CCDC177: variants seen among roughly 807,000 people sequenced by gnomAD.
The protein encoded by CCDC177 is coiled-coil domain-containing protein 177.
Under a neutral mutation model 7.3 loss-of-function variants are expected in CCDC177, and 2 were observed. The observed-to-expected ratio is 0.28, with a 90% CI of 0.11 to 0.87. The LOEUF (loss-of-function observed/expected upper bound fraction) is 0.87. Among genes scored for constraint, CCDC177 ranks in the 40% least tolerant of loss-of-function variants. The pLI is 0.61. For synonymous variants in CCDC177, 401 were observed against 449.2 expected, an observed-to-expected ratio of 0.89 and a Z score of 1.36; for missense variants, 874 against 970.5, an observed-to-expected ratio of 0.90 and a Z score of 1.32.
rs1884288682 is a variant in CCDC177 at position 69,569,902 on chromosome 14, T to C, written c.*1597A>G. ...CATTTTATTCCTGATCCTGGTTTAATGTAAAAAGTGATGTTTTACTTCCCA... is the reference window on the plus strand; with the variant it reads ...CATTTTATTCCTGATCCTGGTTTAACGTAAAAAGTGATGTTTTACTTCCCA... On this transcript the variant is annotated 3_prime_UTR_variant, in exon 2 of 2. Coordinates refer to ENST00000599174, the MANE Select transcript of CCDC177 (RefSeq NM_001271507.2). The C allele has an allele frequency of 6.6e-6, 1 of 152,154 alleles. No individual in the cohort carries two copies. The highest frequency in any genetic ancestry group is 1.5e-5 in the Non-Finnish European group (1 of 68,028). The allele number at this position is 152,154 out of a possible 1,614,324, so 9.4% of individuals were successfully genotyped here.
At chr14:69,573,930 C>T (rs1174484796) in intron 1 of CCDC177, among the ~76,000 whole-genome samples, 1 of 152,164 alleles carries the variant, frequency 6.6e-6, no homozygotes, top group Non-Finnish European at 1.5e-5. Flanking sequence ...GCCTAGCCCG[C>T]TAGATGCATC....
rs1884376292 is a variant in CCDC177 at position 69,573,421 on chromosome 14, G to C, written c.202C>G (p.Gln68Glu). Residue 68 changes from glutamine (Q) to glutamate (E), a missense_variant, in exon 2 of 2, where the codon CAG becomes GAG. By Grantham distance (29) the Gln-to-Glu change is conservative. Transcript: ENST00000599174. ...AGGTCGAGGTGCAGCAGCGGGGACT[G>C]CTCCCGCCGCCCGCCTTCTGCGGCT... is the stretch of plus-strand genomic sequence containing the variant. ...CAAAEGGRRE[Q>E]SPLLHLDLFN... 1 of 1,231,298 alleles carries C rather than the reference G, an allele frequency of 8.1e-7. No homozygotes were observed. The highest frequency in any genetic ancestry group is 1.0e-6 in the Non-Finnish European group (1 of 987,790). 76.3% of individuals were successfully genotyped at this position (1,231,298 alleles called of 1,614,324 possible). A position where few individuals can be genotyped will look rare whatever the true frequency, so the allele number is the denominator to read the frequency against.
chr14:69,573,966 A>G (rs1418459509), intron 1 of CCDC177, among the ~76,000 whole-genome samples: 1 of 152,188 alleles, frequency 6.6e-6, no homozygotes, highest in East Asian at 1.9e-4. Context: ...GTTAAGATGA[A>G]AAGATCCAGG....
chr14:69,570,545 C>T lies in CCDC177; in HGVS notation c.*954G>A. ...TCCTTCACAGAGGGAATCCTACACT[C>T]CAAACTCTCTGGGGCCCACCCTTGA... On this transcript the variant is annotated 3_prime_UTR_variant, in exon 2 of 2. Coordinates refer to ENST00000599174, the MANE Select transcript of CCDC177 (RefSeq NM_001271507.2). 2.9e-6 allele frequency: 1 copy of T among 345,394 alleles called. No homozygotes were observed. The highest frequency in any genetic ancestry group is 5.7e-6 in the Non-Finnish European group (1 of 175,694). The allele number at this position is 345,394 out of a possible 1,614,324, so 21.4% of individuals were successfully genotyped here.
In CCDC177 at chr14:69,573,227, G is replaced by A; in HGVS notation, c.396C>T (p.Gly132=). 1 of 1,230,832 alleles carries A rather than the reference G, an allele frequency of 8.1e-7. No individual in the cohort carries two copies. The highest frequency in any genetic ancestry group is 1.0e-6 in the Non-Finnish European group (1 of 987,388). 76.2% of individuals were successfully genotyped at this position (1,230,832 alleles called of 1,614,324 possible). Residue 132 remains glycine (G), a synonymous_variant, in exon 2 of 2, where the codon GGC becomes GGT. Coordinates refer to ENST00000599174, the MANE Select transcript of CCDC177 (RefSeq NM_001271507.2). ...GCTCCGCCTCGTAGGCCTCATACAG[G>A]CCGGTGGCCACCCGCATGGAGCGGC... The part of the protein sequence containing the change: ...APGRSMRVAT[G]LYEAYEAERR...
chr14:69,572,873 T>C lies in CCDC177; in HGVS notation c.750A>G (p.Ala250=). 8.1e-7 allele frequency: 1 copy of C among 1,230,870 alleles called. No homozygotes were observed. The allele number at this position is 1,230,870 out of a possible 1,614,324, so 76.2% of individuals were successfully genotyped here. Residue 250 remains alanine, a synonymous_variant, in exon 2 of 2, where the codon GCA becomes GCG. Transcript: ENST00000599174. The part of the protein sequence containing the change: ...REGALSSESG[A]SSSSYSGESL... ...TTTCCCCACTGTAGGATGACGACGA[T>C]GCGCCCGACTCGGAGCTGAGGGCGC...
Position 69,573,555 on chromosome 14 carries a change from G to C in CCDC177, c.68C>G (p.Ala23Gly). Residue 23 changes from alanine to glycine, a missense_variant, in exon 2 of 2, where the codon GCC (alanine) becomes GGC (glycine). Coordinates refer to ENST00000599174, the MANE Select transcript of CCDC177 (RefSeq NM_001271507.2). ...GGAATCAGGGGGCACGGACGCCACG[G>C]CCTCGTCCCCTCCAGAGTCGCCGGG... ...AEPGDSGGDE[A>G]VASVPPDSQG... 1 of 1,231,826 alleles carries C rather than the reference G, an allele frequency of 8.1e-7. No individual in the cohort carries two copies. The highest frequency in any genetic ancestry group is 1.0e-6 in the Non-Finnish European group (1 of 988,002). The allele number at this position is 1,231,826 out of a possible 1,614,324, so 76.3% of individuals were successfully genotyped here.
chr14:69,571,879 G>C lies in CCDC177; in HGVS notation c.1744C>G (p.Gln582Glu). ...EAAERKEREH[Q>E]AHLEALARAG... Reference sequence around the variant, plus strand: ...CGGGCCAGCGCCTCCAGGTGCGCCTGATGTTCCCGCTCTTTGCGCTCTGCC... The same window carrying C: ...CGGGCCAGCGCCTCCAGGTGCGCCTCATGTTCCCGCTCTTTGCGCTCTGCC... Residue 582 changes from glutamine (Q) to glutamate (E), a missense_variant, in exon 2 of 2, where the codon CAG (glutamine) becomes GAG (glutamate). Coordinates refer to ENST00000599174, the MANE Select transcript of CCDC177 (RefSeq NM_001271507.2). 8.1e-7 allele frequency: 1 copy of C among 1,231,750 alleles called. No individual in the cohort carries two copies. Among genetic ancestry groups the C allele is most frequent in the East Asian group, 3.2e-5 (1 of 31,682 alleles). The allele number at this position is 1,231,750 out of a possible 1,614,324, so 76.3% of individuals were successfully genotyped here.
chr14:69,572,583 G>T lies in CCDC177; in HGVS notation c.1040C>A (p.Ala347Glu). The change falls in exon 2 of 2, where the codon GCG becomes GAG. Residue 347 changes from alanine (A) to glutamate (E), a missense_variant. By Grantham distance (107) the Ala-to-Glu change is moderately radical (BLOSUM62 -1). Transcript: ENST00000599174. ...CAGCAGGAGCTCCTCCTGGTGCCGCGCCAGCATGAGCGCCGCGATCTTCCG... is the reference window on the plus strand; with the variant it reads ...CAGCAGGAGCTCCTCCTGGTGCCGCTCCAGCATGAGCGCCGCGATCTTCCG... ...RDRKIAALML[A>E]RHQEELLLLE... The T allele has an allele frequency of 2.4e-6, 3 of 1,231,200 alleles. 1 individual carries two copies. Among genetic ancestry groups the T allele is most frequent in the Admixed American group, 8.4e-5 (2 of 23,700 alleles). 76.3% of individuals were successfully genotyped at this position (1,231,200 alleles called of 1,614,324 possible). A position where few individuals can be genotyped will look rare whatever the true frequency, so the allele number is the denominator to read the frequency against.
In CCDC177 at chr14:69,573,169, G is replaced by A. The variant is rs1884371388; in HGVS notation, c.454C>T (p.Arg152Cys). 3.3e-6 allele frequency: 4 copies of A among 1,230,174 alleles called. No homozygotes were observed. Among genetic ancestry groups the A allele is most frequent in the Middle Eastern group, 3.1e-4 (1 of 3,220 alleles). 76.2% of individuals were successfully genotyped at this position (1,230,174 alleles called of 1,614,324 possible). Residue 152 changes from arginine (R) to cysteine (C), a missense_variant, in exon 2 of 2, where the codon CGC becomes TGC. Arg to Cys is a radical substitution (Grantham distance 180, BLOSUM62 -3). Transcript: ENST00000599174. Reference protein sequence around the residue: ...RAKLQQCRAERERIMREEKRR... With the variant: ...RAKLQQCRAECERIMREEKRR... ...TTCTCCTCGCGCATGATGCGCTCGC[G>A]CTCGGCCCGGCATTGCTGCAGCTTG...
Position 69,573,438 on chromosome 14 carries a change from T to G in CCDC177, c.185A>C (p.Glu62Ala). The G allele has an allele frequency of 8.1e-7, 1 of 1,231,302 alleles. No individual in the cohort carries two copies. Among genetic ancestry groups the G allele is most frequent in the Non-Finnish European group, 1.0e-6 (1 of 987,760 alleles). The allele number at this position is 1,231,302 out of a possible 1,614,324, so 76.3% of individuals were successfully genotyped here. Residue 62 changes from glutamate (E) to alanine (A), a missense_variant, in exon 2 of 2, where the codon GAA becomes GCA. Transcript: ENST00000599174. ...CGGGGACTGCTCCCGCCGCCCGCCTTCTGCGGCTGCACATGGGACTTCTGC... is the reference window on the plus strand; with the variant it reads ...CGGGGACTGCTCCCGCCGCCCGCCTGCTGCGGCTGCACATGGGACTTCTGC... ...RKAEVPCAAA[E>A]GGRREQSPLL...
At position 69,572,278 on chromosome 14, in the gene CCDC177, C is replaced by T. The variant is rs1884342067; in HGVS notation, c.1345G>A (p.Glu449Lys). The stretch of plus-strand genomic sequence containing the variant: ...TGCTGAAGCTTGCGCAGCCGATCCT[C>T]CCGGGCCGCGCGCTCCGCCCGCTCC... Reference protein sequence around the residue: ...RRERAERAAREDRLRKLQQEQ... With the variant: ...RRERAERAARKDRLRKLQQEQ... Residue 449 changes from glutamate to lysine, a missense_variant, in exon 2 of 2, where the codon GAG becomes AAG. By Grantham distance (56) the Glu-to-Lys change is moderately conservative. Coordinates refer to ENST00000599174, the MANE Select transcript of CCDC177 (RefSeq NM_001271507.2). 7.3e-6 allele frequency: 9 copies of T among 1,228,724 alleles called. No homozygotes were observed. The highest frequency in any genetic ancestry group is 3.1e-5 in the African/African-American group (2 of 64,264). The allele number at this position is 1,228,724 out of a possible 1,614,324, so 76.1% of individuals were successfully genotyped here.
At position 69,570,644 on chromosome 14, in the gene CCDC177, C is replaced by G; in HGVS notation, c.*855G>C. The G allele has an allele frequency of 2.7e-6, 1 of 366,372 alleles. No homozygotes were observed. The highest frequency in any genetic ancestry group is 2.1e-5 in the South Asian group (1 of 47,852). 22.7% of individuals were successfully genotyped at this position (366,372 alleles called of 1,614,324 possible). On this transcript the variant is annotated 3_prime_UTR_variant, in exon 2 of 2. Coordinates refer to ENST00000599174, the MANE Select transcript of CCDC177 (RefSeq NM_001271507.2). The stretch of plus-strand genomic sequence containing the variant: ...CGTAAGGTAGCTCTGCTTCTTAAGG[C>G]ATGACTGCTGTCTTCATGGAGTGGG...
Position 69,572,450 on chromosome 14 carries a change from G to A in CCDC177, c.1173C>T (p.Gly391=), listed in dbSNP as rs1013566575. ...EREKQRALEQ[G]RRAWAAQVEE... The stretch of plus-strand genomic sequence containing the variant: ...CCACCTGCGCGGCCCAGGCTCGGCG[G>A]CCCTGCTCTAGGGCGCGCTGCTTCT... The change falls in exon 2 of 2, where the codon GGC becomes GGT. Residue 391 remains glycine (G), a synonymous_variant. Coordinates refer to ENST00000599174, the MANE Select transcript of CCDC177 (RefSeq NM_001271507.2). 8.1e-5 allele frequency: 99 copies of A among 1,229,252 alleles called. No homozygotes were observed. The highest frequency in any genetic ancestry group is 9.7e-5 in the Non-Finnish European group (96 of 986,558). 76.1% of individuals were successfully genotyped at this position (1,229,252 alleles called of 1,614,324 possible). A position where few individuals can be genotyped will look rare whatever the true frequency, so the allele number is the denominator to read the frequency against.
rs1828628639 is a variant in CCDC177 at position 69,572,435 on chromosome 14, G to A, written c.1188C>T (p.Ala396=). The A allele has an allele frequency of 1.6e-6, 2 of 1,228,044 alleles. No individual in the cohort carries two copies. The highest frequency in any genetic ancestry group is 3.1e-5 in the African/African-American group (2 of 64,096). 76.1% of individuals were successfully genotyped at this position (1,228,044 alleles called of 1,614,324 possible). ...RALEQGRRAW[A]AQVEERRGRR... The stretch of plus-strand genomic sequence containing the variant: ...GGCCTCGCCGCTCCTCCACCTGCGC[G>A]GCCCAGGCTCGGCGGCCCTGCTCTA... Residue 396 remains alanine (A), a synonymous_variant, in exon 2 of 2, where the codon GCC becomes GCT. Coordinates refer to ENST00000599174, the MANE Select transcript of CCDC177 (RefSeq NM_001271507.2).
Position 69,570,768 on chromosome 14 carries a change from A to G in CCDC177, c.*731T>C, listed in dbSNP as rs1428854955. 1 of 457,228 alleles carries G rather than the reference A, an allele frequency of 2.2e-6. No individual in the cohort carries two copies. Among genetic ancestry groups the G allele is most frequent in the African/African-American group, 2.0e-5 (1 of 50,028 alleles). 28.3% of individuals were successfully genotyped at this position (457,228 alleles called of 1,614,324 possible). A position where few individuals can be genotyped will look rare whatever the true frequency, so the allele number is the denominator to read the frequency against. The stretch of plus-strand genomic sequence containing the variant: ...GTTTCTATTAAAGCTAAACAGCATC[A>G]CCAAACCAACCAATTTCCTGTGCCA... On this transcript the variant is annotated 3_prime_UTR_variant, in exon 2 of 2. Transcript: ENST00000599174.
rs545220929 is a variant in CCDC177 at position 69,571,496 on chromosome 14, C to A, written c.*3G>T. The A allele has an allele frequency of 2.4e-6, 3 of 1,247,976 alleles. No homozygotes were observed. In the Admixed American group the frequency reaches 1.1e-4, roughly 47 times the overall value. 77.3% of individuals were successfully genotyped at this position (1,247,976 alleles called of 1,614,324 possible). On this transcript the variant is annotated 3_prime_UTR_variant, in exon 2 of 2. Coordinates refer to ENST00000599174, the MANE Select transcript of CCDC177 (RefSeq NM_001271507.2). ...TGCCAATCTGGCTGGCAAAGAGCCG[C>A]AGTTATTTGCGGTCCAGGCTGGCGT...
rs1430926254 is a variant in CCDC177 at position 69,573,080 on chromosome 14, C to T, written c.543G>A (p.Ser181=). ...AAAAAAAAAA[S]APSAGSSSSC... is the part of the protein sequence containing the mutation. Reference sequence around the variant, plus strand: ...TGCTGCTGCTGCCCGCGCTCGGGGCCGAGGCCGCGGCGGCGGCGGCGGCGG... The same window carrying T: ...TGCTGCTGCTGCCCGCGCTCGGGGCTGAGGCCGCGGCGGCGGCGGCGGCGG... Residue 181 remains serine, a synonymous_variant, in exon 2 of 2, where the codon TCG becomes TCA. Transcript: ENST00000599174. 8.7e-6 allele frequency: 10 copies of T among 1,144,342 alleles called. No individual in the cohort carries two copies. In the East Asian group the frequency reaches 3.3e-4, roughly 37 times the overall value. The allele number at this position is 1,144,342 out of a possible 1,614,324, so 70.9% of individuals were successfully genotyped here.
rs1439170588 is a variant in CCDC177 at position 69,569,824 on chromosome 14, A to G, written c.*1675T>C. 3.9e-5 allele frequency: 6 copies of G among 152,028 alleles called. No homozygotes were observed. The highest frequency in any genetic ancestry group is 1.4e-4 in the African/African-American group (6 of 41,392). 9.4% of individuals were successfully genotyped at this position (152,028 alleles called of 1,614,324 possible). On this transcript the variant is annotated 3_prime_UTR_variant, in exon 2 of 2. Coordinates refer to ENST00000599174, the MANE Select transcript of CCDC177 (RefSeq NM_001271507.2). ...TTTTACCCAGCAGAATATATATGAA[A>G]TATGTTTAATGTAGCAGTTCTCTAC...
Sources: allele counts gnomAD v4.1 joint callset (sites outside exome capture counted in the v4.1 genomes callset), GRCh38; gene constraint gnomAD v4.1.1; transcripts MANE v1.5; gene names NCBI Gene and HGNC (gene_info 2026-07-23, HGNC 2026-07-21).